The following KCTD19 variants were observed in gnomAD, a reference collection of about 807,000 sequenced individuals.
KCTD19 encodes the protein BTB/POZ domain-containing protein KCTD19.
In KCTD19, 67 loss-of-function variants were observed where a neutral mutation model predicts 103.5. The observed-to-expected ratio is 0.65, with a 90% CI of 0.53 to 0.79. The LOEUF (loss-of-function observed/expected upper bound fraction) is 0.79. Ranked by LOEUF, KCTD19 falls within the 30% of genes least tolerant of loss-of-function variation. The pLI is 0.00. For synonymous variants in KCTD19, 439 were observed against 452.2 expected, an observed-to-expected ratio of 0.97 and a Z score of 0.37; for missense variants, 980 against 1,136.1, an observed-to-expected ratio of 0.86 and a Z score of 1.98.
chr16:67,306,271 G>A (rs148554739), intron 2 of KCTD19, among the ~76,000 whole-genome samples: 2 of 152,286 alleles, frequency 1.3e-5, no homozygotes, highest in East Asian at 3.9e-4. Context: ...TCTTTCCACA[G>A]CATTAGAAGG....
intron 12 of KCTD19, among the ~76,000 whole-genome samples, chr16:67,292,154 AC>A (rs2036706753): frequency 6.6e-6 from 1 of 152,204 alleles, no homozygotes. Flanking sequence ...CGTGAGCCAC[AC>A]GCACAGGCTT....
At chr16:67,291,578 TAC>T (rs1276656742) in intron 13 of KCTD19, 66 bp downstream of exon 13, 19 of 1,569,320 alleles carry the variant, frequency 1.2e-5, no homozygotes, top group Non-Finnish European at 1.7e-5. Flanking sequence ...CTGCCTGAAG[TAC>T]CCTGGGAGGG....
At chr16:67,322,793 A>G (rs1235893694) in intron 1 of KCTD19, among the ~76,000 whole-genome samples, 2 of 152,244 alleles carry the variant, frequency 1.3e-5, no homozygotes, top group African/African-American at 2.4e-5. Context: ...ATGGAACAAA[A>G]TATTTGCAAA....
Position 67,303,323 on chromosome 16 carries a change from C to G in KCTD19, c.466G>C (p.Ala156Pro). The G allele has an allele frequency of 6.2e-7, 1 of 1,611,652 alleles. No individual in the cohort carries two copies. The highest frequency in any genetic ancestry group is 1.1e-5 in the South Asian group (1 of 90,788). Residue 156 changes from alanine (A) to proline (P), a missense_variant, in exon 4 of 16, where the codon GCA becomes CCA. Transcript: ENST00000304372. This position sits in a 1 kb window ranked among gnomAD's most constrained non-coding sequence, Gnocchi z 4.3. ...SPAFTGLHDK[A>P]PLGLMDTPLL... ...GGTGTGTCCATGAGCCCCAGAGGTG[C>G]CTTATCATGTAGGCCTGGAAGAGAA...
intron 2 of KCTD19, among the ~76,000 whole-genome samples, chr16:67,309,358 A>G (rs1004682192): frequency 3.3e-5 from 5 of 152,210 alleles, no homozygotes; most frequent in Non-Finnish European, 7.3e-5. Context: ...TCAGAGGACA[A>G]TGAAGACAGG....
At chr16:67,308,556 T>C (rs994308458) in intron 2 of KCTD19, among the ~76,000 whole-genome samples, 1 of 152,064 alleles carries the variant, frequency 6.6e-6, no homozygotes, top group African/African-American at 2.4e-5. Context: ...CAAAAACACA[T>C]CACGTTCTTT....
chr16:67,297,656 GC>G lies in KCTD19; in HGVS notation c.993del (p.Trp331CysfsTer9), dbSNP rs749489604. On this transcript the variant is annotated frameshift_variant, in exon 7 of 16. Coordinates refer to ENST00000304372, the MANE Select transcript of KCTD19 (RefSeq NM_001100915.3). LOFTEE classifies it high-confidence loss of function. ...NGVLFQHVKN[W>X]LGTCRLPLTE... is the part of the protein sequence containing the mutation. ...GTCAGGGGCAGCCGGCAAGTCCCCA[GC>G]CAGTTCCTGCCCAGAGGAAAGGTCT... The G allele has an allele frequency of 6.2e-7, 1 of 1,613,658 alleles. No individual in the cohort carries two copies. The highest frequency in any genetic ancestry group is 8.5e-7 in the Non-Finnish European group (1 of 1,179,986).
At position 67,303,215 on chromosome 16, in the gene KCTD19, C is replaced by T; in HGVS notation, c.574G>A (p.Asp192Asn). The T allele has an allele frequency of 6.2e-7, 1 of 1,613,284 alleles. No individual in the cohort carries two copies. The highest frequency in any genetic ancestry group is 8.5e-7 in the Non-Finnish European group (1 of 1,179,590). Reference sequence around the variant, plus strand: ...GTCTCAGCCAGCCACAGCAGGTTGTCTTCAGTCACTAGGCTGGGATATTTG... The same window carrying T: ...GTCTCAGCCAGCCACAGCAGGTTGTTTTCAGTCACTAGGCTGGGATATTTG... ...VAKYPSLVTE[D>N]NLLWLAETVA... Residue 192 changes from aspartate (D) to asparagine (N), a missense_variant, in exon 4 of 16, where the codon GAC becomes AAC. Coordinates refer to ENST00000304372, the MANE Select transcript of KCTD19 (RefSeq NM_001100915.3). This position sits in a 1 kb window ranked among gnomAD's most constrained non-coding sequence, Gnocchi z 4.3.
At chr16:67,325,605 G>A (rs562902622) in intron 1 of KCTD19, among the ~76,000 whole-genome samples, 2 of 152,096 alleles carry the variant, frequency 1.3e-5, no homozygotes, top group South Asian at 4.2e-4. Context: ...TTACATACAT[G>A]TCCCATCCAC....
intron 11 of KCTD19, 108 bp downstream of exon 11, chr16:67,294,472 T>C: frequency 1.3e-6 from 1 of 783,784 alleles, no homozygotes; most frequent in Non-Finnish European, 2.2e-6. Context: ...TAGGCTCTGC[T>C]CTTTCATTTT....
rs748689213 is a variant in KCTD19 at position 67,293,483 on chromosome 16, GC to G, written c.2218+60del. 7.7e-6 allele frequency: 12 copies of G among 1,557,822 alleles called. No homozygotes were observed. Among genetic ancestry groups the G allele is most frequent in the Non-Finnish European group, 9.6e-6 (11 of 1,147,128 alleles). ...GTCACTAACTTGCTCTGCCATCTTG[GC>G]CAAAGAGTTTGCCTTCTCTGTTGTG... On this transcript the variant is annotated intron_variant, in intron 12 of 15. Coordinates refer to ENST00000304372, the MANE Select transcript of KCTD19 (RefSeq NM_001100915.3). This position sits in a 1 kb window ranked among gnomAD's most constrained non-coding sequence, Gnocchi z 4.0.
At chr16:67,308,154 C>T (rs1650656080) in intron 2 of KCTD19, among the ~76,000 whole-genome samples, 1 of 150,344 alleles carries the variant, frequency 6.7e-6, no homozygotes, top group Non-Finnish European at 1.5e-5. Flanking sequence ...TCCCTCCTTC[C>T]TTCCTTCTTT....
chr16:67,298,467 C>T (rs1199810800), intron 6 of KCTD19, among the ~76,000 whole-genome samples: 1 of 152,134 alleles, frequency 6.6e-6, no homozygotes, highest in African/African-American at 2.4e-5. Flanking sequence ...CCCAGTCGCT[C>T]CCTTCTTGCC....
chr16:67,320,490 GAGGGTCATCTC>G lies in KCTD19; in HGVS notation c.300+88_300+98del. ...CACACTTATTACATTTGCCCATTAAGAGGGTCATCTCAGCAACCAATATATAACAGGAAACA... is the reference window on the plus strand; with the variant it reads ...CACACTTATTACATTTGCCCATTAAGAGCAACCAATATATAACAGGAAACA... On this transcript the variant is annotated intron_variant, in intron 2 of 15. Transcript: ENST00000304372. This position sits in a 1 kb window ranked among gnomAD's most constrained non-coding sequence, Gnocchi z 4.0. 8.6e-7 allele frequency: 1 copy of G among 1,156,592 alleles called. No homozygotes were observed. 71.6% of individuals were successfully genotyped at this position (1,156,592 alleles called of 1,614,324 possible).
chr16:67,314,822 T>TAGAGAGAGAGAGAGAGAG (rs1351258378), intron 2 of KCTD19, among the ~76,000 whole-genome samples: 1 of 70,602 alleles, frequency 1.4e-5, no homozygotes, highest in Non-Finnish European at 2.6e-5. Context: ...TATATATATA[T>TAGAGAGAGAGAGAGAGAG]ATATATATAG....
At chr16:67,311,928 C>T (rs1461990706) in intron 2 of KCTD19, among the ~76,000 whole-genome samples, 1 of 152,286 alleles carries the variant, frequency 6.6e-6, no homozygotes, top group Middle Eastern at 3.4e-3. Flanking sequence ...CATCCTCTTC[C>T]TTTCCAAGAT....
intron 2 of KCTD19, among the ~76,000 whole-genome samples, chr16:67,307,861 C>T (rs971756414): frequency 2.0e-5 from 3 of 152,264 alleles, no homozygotes; most frequent in South Asian, 2.1e-4. Flanking sequence ...GTATTCCTAG[C>T]GTACTACCAA....
At chr16:67,314,531 A>T (rs1456555984) in intron 2 of KCTD19, among the ~76,000 whole-genome samples, 1 of 151,814 alleles carries the variant, frequency 6.6e-6, no homozygotes, top group Non-Finnish European at 1.5e-5. Context: ...TGTTCTGCAC[A>T]TTTTAGATAA....
Position 67,293,795 on chromosome 16 carries a change from G to C in KCTD19, c.1967C>G (p.Thr656Arg). The C allele has an allele frequency of 6.2e-7, 1 of 1,613,816 alleles. No individual in the cohort carries two copies. The highest frequency in any genetic ancestry group is 8.5e-7 in the Non-Finnish European group (1 of 1,180,028). ...CTCCAAGGGGCTGCTCCGTGTGGCT[G>C]TCAGTGGCTGGAATTCCCACTGTTT... ...NCKQWEFQPL[T>R]ATRSSPLEEA... The change falls in exon 12 of 16, where the codon ACA becomes AGA. Residue 656 changes from threonine to arginine, a missense_variant. Physicochemically the swap from Thr to Arg is moderately conservative, Grantham distance 71 (BLOSUM62 -1). Coordinates refer to ENST00000304372, the MANE Select transcript of KCTD19 (RefSeq NM_001100915.3). The surrounding 1 kb of genome is among the most constrained non-coding windows in gnomAD (Gnocchi z 4.0).
Sources: gnomAD v4.1 joint callset for allele counts (sites outside exome capture counted in the v4.1 genomes callset) on GRCh38, gnomAD v4.1.1 for gene constraint, Gnocchi (gnomAD v3.1) non-coding constraint, MANE v1.5 for transcripts, NCBI Gene and HGNC (gene_info 2026-07-23, HGNC 2026-07-21) for gene names.